Variants in TDRD12 observed in about 807,000 individuals in gnomAD.
TDRD12 encodes tudor domain containing 12.
In TDRD12, 158 loss-of-function variants were observed where a neutral mutation model predicts 133.5. That is an observed-to-expected ratio of 1.18 (90% confidence interval 1.04 to 1.35). The LOEUF (loss-of-function observed/expected upper bound fraction) is 1.35, where lower values mean the gene tolerates loss of function less well. TDRD12 is among the 40% of genes most tolerant of loss of function. The probability of loss-of-function intolerance (pLI) is 0.00; values close to 1 mark genes in which losing one functional copy is unlikely to be tolerated. For synonymous variants in TDRD12, 460 were observed against 477.9 expected, an observed-to-expected ratio of 0.96 and a Z score of 0.49; for missense variants, 1,443 against 1,321.3, an observed-to-expected ratio of 1.09 and a Z score of -1.43.
chr19:32,764,932 A>G (rs975745330), intron 8 of TDRD12, among the ~76,000 whole-genome samples: 2 of 152,204 alleles, frequency 1.3e-5, no homozygotes, highest in African/African-American at 4.8e-5. Flanking sequence ...AAAAGAAACT[A>G]CCATCAGAGT....
chr19:32,794,781 G>A (rs1429790098), exon 14 of TDRD12: 7 of 703,402 alleles, frequency 1.0e-5, no homozygotes, highest in East Asian at 8.0e-5. Context: ...GCAAACAGGA[G>A]CCTGCTACAA....
chr19:32,794,750 C>G, exon 14 of TDRD12: 1 of 703,442 alleles, frequency 1.4e-6, no homozygotes, highest in Non-Finnish European at 2.6e-6. Flanking sequence ...TGCTCTACCT[C>G]CTACCAGTGT....
intron 25 of TDRD12, among the ~76,000 whole-genome samples, chr19:32,814,216 A>AGGGG (rs1179305991): frequency 6.7e-6 from 1 of 148,632 alleles, no homozygotes; most frequent in Non-Finnish European, 1.5e-5. Flanking sequence ...CAGCCGTGGG[A>AGGGG]GGGGGCGGGG....
intron 23 of TDRD12, among the ~76,000 whole-genome samples, chr19:32,810,917 A>G (rs577695879): frequency 1.1e-3 from 170 of 152,268 alleles, no homozygotes; most frequent in African/African-American, 3.6e-3. Context: ...AACAAAAAAG[A>G]CAAAAGGAAA....
intron 11 of TDRD12, among the ~76,000 whole-genome samples, chr19:32,786,068 C>T (rs965904302): frequency 6.6e-6 from 1 of 152,082 alleles, no homozygotes; most frequent in East Asian, 1.9e-4. Context: ...TGGCTGGTAC[C>T]GATTGTTCCT....
Position 32,815,479 on chromosome 19 carries a change from C to T in TDRD12, c.3173C>T (p.Thr1058Ile), listed in dbSNP as rs1967146679. The change falls in exon 26 of 28, where the codon ACC (threonine) becomes ATC (isoleucine). Residue 1058 changes from threonine to isoleucine, a missense_variant. Coordinates refer to ENST00000444215, the Ensembl canonical transcript of TDRD12. ...ATTACAAACCTTTCCAGTTTAAAAA[C>T]CTCTGTCATTGATTATAATGTTCGA... 2.0e-6 allele frequency: 3 copies of T among 1,536,232 alleles called. No homozygotes were observed. The African/African-American group carries it at 4.1e-5, about 21-fold the overall frequency.
rs995309735 is a variant in TDRD12 at position 32,720,086 on chromosome 19, T to G, written c.14T>G (p.Leu5Arg). The change falls in exon 1 of 28, where the codon CTG becomes CGG. Residue 5 changes from leucine (L) to arginine (R), a missense_variant. Physicochemically the swap from Leu to Arg is moderately radical, Grantham distance 102 (BLOSUM62 -2). Transcript: ENST00000444215. ...GGCGCCAGGAGGATGCTCCAGCTCC[T>G]GGTGCTGAAGGTGAGCGCCGCCAAG... 6 of 1,548,162 alleles carry G rather than the reference T, an allele frequency of 3.9e-6. No individual in the cohort carries two copies. The African/African-American group carries it at 8.2e-5, about 21-fold the overall frequency.
chr19:32,798,410 T>C (rs995311511), exon 16 of TDRD12: 2 of 1,535,108 alleles, frequency 1.3e-6, no homozygotes, highest in East Asian at 4.9e-5. Flanking sequence ...GAGGTAGAGG[T>C]GCTATTCTTG....
intron 9 of TDRD12, 82 bp from the exon 10 acceptor site, chr19:32,773,374 C>A (rs1403478440): frequency 8.4e-7 from 1 of 1,188,578 alleles, no homozygotes; most frequent in Non-Finnish European, 1.2e-6. Context: ...GAGAATAACT[C>A]CCATGGAATT....
At chr19:32,817,848 C>T (rs891279134) in intron 26 of TDRD12, among the ~76,000 whole-genome samples, 1 of 149,826 alleles carries the variant, frequency 6.7e-6, no homozygotes, top group African/African-American at 2.5e-5. Flanking sequence ...GGCCCGTACA[C>T]ACGACTGCTT....
intron 21 of TDRD12, among the ~76,000 whole-genome samples, chr19:32,805,331 C>T (rs538862972): frequency 6.0e-5 from 9 of 149,318 alleles, no homozygotes; most frequent in Admixed American, 2.0e-4. Context: ...TTCAGTGAGA[C>T]GTGATTGTGC....
At chr19:32,797,758 T>C (rs1971272788) in exon 15 of TDRD12, 1 of 699,262 alleles carries the variant, frequency 1.4e-6, no homozygotes. Flanking sequence ...TCGTGTGCCC[T>C]GGGTGGAAGA....
In TDRD12 at chr19:32,761,087, T is replaced by C. The variant is rs557180296; in HGVS notation, c.865+3957T>C. Among the ~76,000 whole-genome samples, 5 of 152,256 alleles carry C rather than the reference T, an allele frequency of 3.3e-5. No individual in the cohort carries two copies. The South Asian group carries it at 1.0e-3, about 32-fold the overall frequency. On this transcript the variant is annotated intron_variant, in intron 8 of 27. Coordinates refer to ENST00000444215, the Ensembl canonical transcript of TDRD12. The stretch of plus-strand genomic sequence containing the variant: ...CAAAGAGACGTCGTTCAGCATCACT[T>C]GTTGCATTTAGAGAAGACGTTTCTT...
intron 1 of TDRD12, among the ~76,000 whole-genome samples, chr19:32,723,661 G>A (rs1300827983): frequency 1.6e-4 from 23 of 139,986 alleles, no homozygotes; most frequent in African/African-American, 5.4e-4. Flanking sequence ...TGCTTGCTGA[G>A]TCTACCAAAA....
intron 3 of TDRD12, among the ~76,000 whole-genome samples, chr19:32,740,420 GCTCTCTGCATCTCCTGGGTA>G (rs1323987628): frequency 6.6e-5 from 8 of 120,866 alleles, no homozygotes; most frequent in South Asian, 2.9e-4. Context: ...TCTCCTGGGT[GCTCTCTGCATCTCCTGGGTA>G]CTCTCTGCAT....
intron 10 of TDRD12, among the ~76,000 whole-genome samples, chr19:32,776,671 A>G (rs941199599): frequency 6.6e-6 from 1 of 152,162 alleles, no homozygotes; most frequent in Non-Finnish European, 1.5e-5. Flanking sequence ...CAGAATCTCT[A>G]GTTGTGATCA....
At chr19:32,720,823 C>T (rs545672328) in intron 1 of TDRD12, among the ~76,000 whole-genome samples, 1 of 116,712 alleles carries the variant, frequency 8.6e-6, no homozygotes, top group East Asian at 3.0e-4. Flanking sequence ...CCACCTGAAC[C>T]CTCCCTGCGC....
exon 26 of TDRD12, chr19:32,815,498 T>C (rs1370294534): frequency 6.5e-7 from 1 of 1,536,596 alleles, no homozygotes; most frequent in Non-Finnish European, 8.7e-7. Flanking sequence ...TTGATTATAA[T>C]GTTCGAGCTG....
chr19:32,756,395 G>GT (rs150550292), intron 7 of TDRD12, among the ~76,000 whole-genome samples: 26,793 of 149,172 alleles, frequency 0.18, 2,459 homozygotes, highest in African/African-American at 0.21. Flanking sequence ...CTCGATTTCT[G>GT]TTTTTTTTTT....
Sources: allele counts gnomAD v4.1 joint callset (sites outside exome capture counted in the v4.1 genomes callset), GRCh38; gene constraint gnomAD v4.1.1; transcripts MANE v1.5; gene names NCBI Gene and HGNC (gene_info 2026-07-23, HGNC 2026-07-21).